Variants in GPR89A observed in about 807,000 individuals in gnomAD.
GPR89A encodes the protein G protein-coupled receptor 89A.
In GPR89A, 16 loss-of-function variants were observed where a neutral mutation model predicts 52.0. The ratio of observed to expected loss-of-function variants is 0.31; its 90% CI spans 0.21 to 0.47. The LOEUF (loss-of-function observed/expected upper bound fraction) is 0.47. GPR89A is among the 20% of genes least tolerant of loss of function. The pLI is 1.00. For synonymous variants in GPR89A, 55 were observed against 150.9 expected, an observed-to-expected ratio of 0.36 and a Z score of 4.66; for missense variants, 135 against 449.4, an observed-to-expected ratio of 0.30 and a Z score of 6.33.
rs1370326292 is a variant in GPR89A, at chr1:145,616,096, T to G, written c.43-138T>G. On this transcript the variant is annotated intron_variant, in intron 1 of 13. Transcript: ENST00000313835. The stretch of plus-strand genomic sequence containing the variant: ...ATGTCATGAGCTTTAATAATAGGTC[T>G]TATAAGAGTGGATCTTATCTTTAAT... The G allele has an allele frequency of 1.2e-5, 8 of 659,116 alleles. No individual in the cohort carries two copies. The East Asian group carries it at 2.1e-4, about 17-fold the overall frequency. The allele number at this position is 659,116 out of a possible 1,614,324, so 40.8% of individuals were successfully genotyped here.
intron 10 of GPR89A, among the ~76,000 whole-genome samples, chr1:145,656,194 C>T (rs1361290405): frequency 2.6e-5 from 4 of 152,136 alleles, no homozygotes; most frequent in Non-Finnish European, 5.9e-5. Flanking sequence ...GGAACTTGGT[C>T]GTCTTAGGCA....
chr1:145,623,752 A>G (rs1553688564), intron 5 of GPR89A, 38 bp downstream of exon 5: 2 of 1,598,532 alleles, frequency 1.3e-6, no homozygotes, highest in Non-Finnish European at 1.7e-6. Flanking sequence ...GTGGGGGGAG[A>G]CGATTTGTTT....
intron 7 of GPR89A, among the ~76,000 whole-genome samples, chr1:145,632,987 T>C (rs1245055590): frequency 6.6e-6 from 1 of 151,460 alleles, no homozygotes; most frequent in Non-Finnish European, 1.5e-5. Flanking sequence ...TTGCAATTCC[T>C]TAATGGCTAG....
intron 7 of GPR89A, among the ~76,000 whole-genome samples, chr1:145,632,252 C>T (rs587621858): frequency 6.6e-6 from 1 of 152,128 alleles, no homozygotes; most frequent in South Asian, 2.1e-4. Context: ...GTGGTGAAAA[C>T]ATTTGAAATT....
At chr1:145,663,746 C>T (rs1553696037) in intron 11 of GPR89A, among the ~76,000 whole-genome samples, 2 of 152,166 alleles carry the variant, frequency 1.3e-5, no homozygotes, top group African/African-American at 4.8e-5. Flanking sequence ...ATTTTCTCCC[C>T]ACCAAAGTAT....
chr1:145,616,863 T>C (rs1422949649), intron 2 of GPR89A, among the ~76,000 whole-genome samples: 1 of 152,064 alleles, frequency 6.6e-6, no homozygotes, highest in East Asian at 1.9e-4. Context: ...TATTAGGGAT[T>C]TCAAAAGGGG....
intron 11 of GPR89A, among the ~76,000 whole-genome samples, 199 bp downstream of exon 11, chr1:145,663,623 TTCTC>T (rs1297320360): frequency 6.6e-6 from 1 of 152,110 alleles, no homozygotes; most frequent in Non-Finnish European, 1.5e-5. Flanking sequence ...AAGGCCAAGA[TTCTC>T]TCTCTTAACA....
intron 5 of GPR89A, among the ~76,000 whole-genome samples, chr1:145,627,140 C>T (rs1268316915): frequency 6.7e-6 from 1 of 150,292 alleles, no homozygotes; most frequent in Non-Finnish European, 1.5e-5. Context: ...CTGCTAGTCT[C>T]CTTATTCATC....
intron 12 of GPR89A, among the ~76,000 whole-genome samples, chr1:145,666,782 C>G (rs1271681593): frequency 2.0e-5 from 3 of 149,308 alleles, no homozygotes; most frequent in Non-Finnish European, 3.0e-5. Context: ...CAGTTCCCAC[C>G]TATGAGTGAG....
intron 10 of GPR89A, among the ~76,000 whole-genome samples, chr1:145,647,554 A>G (rs1364243244): frequency 6.6e-6 from 1 of 151,824 alleles, no homozygotes; most frequent in Non-Finnish European, 1.5e-5. Flanking sequence ...CTATAATCCC[A>G]GCACTTTCGG....
chr1:145,661,989 A>T (rs587769279), intron 10 of GPR89A, among the ~76,000 whole-genome samples: 2 of 152,158 alleles, frequency 1.3e-5, no homozygotes, highest in African/African-American at 4.8e-5. Context: ...TGGTCTAAGA[A>T]CATATTTTGT....
intron 1 of GPR89A, among the ~76,000 whole-genome samples, chr1:145,609,288 C>G (rs1360408150): frequency 1.3e-5 from 2 of 152,118 alleles, no homozygotes; most frequent in Admixed American, 6.5e-5. Flanking sequence ...CTCCGTAGAG[C>G]GGAGCATTGT....
chr1:145,665,431 T>C, intron 11 of GPR89A, 131 bp from the exon 12 acceptor site: 2 of 1,198,398 alleles, frequency 1.7e-6, no homozygotes, highest in Non-Finnish European at 2.5e-6. Context: ...CCTCTCTCCC[T>C]TAAGAAAAAA....
In GPR89A at chr1:145,666,902, G is replaced by C. The variant is rs587729755; in HGVS notation, c.1095+1251G>C. ...ATGAACTCATCCTTTTTTGTGGCTG[G>C]ATAGTATTCCATGGTGTATATGTGC... is the stretch of plus-strand genomic sequence containing the variant. On this transcript the variant is annotated intron_variant, in intron 12 of 13. Coordinates refer to ENST00000313835, the MANE Select transcript of GPR89A (RefSeq NM_001097612.2). 8.7e-3 allele frequency among the ~76,000 whole-genome samples: 1,316 copies of C among 152,012 alleles called. 21 individuals carry two copies. Among genetic ancestry groups the C allele is most frequent in the South Asian group, 0.035 (166 of 4,798 alleles).
chr1:145,647,382 A>C, intron 10 of GPR89A, 115 bp downstream of exon 10: 2 of 1,460,820 alleles, frequency 1.4e-6, no homozygotes, highest in Non-Finnish European at 1.9e-6. Context: ...GATTGCATCA[A>C]CAGAGAGCAT....
chr1:145,646,456 A>T, intron 9 of GPR89A, 184 bp downstream of exon 9: 1 of 536,036 alleles, frequency 1.9e-6, no homozygotes, highest in South Asian at 2.5e-5. Flanking sequence ...CACTAGCAAA[A>T]TCCTTAATGG....
At chr1:145,608,942 T>C (rs587664489) in intron 1 of GPR89A, among the ~76,000 whole-genome samples, 60 of 151,836 alleles carry the variant, frequency 4.0e-4, no homozygotes, top group African/African-American at 1.4e-3. Flanking sequence ...TATTGTTAAT[T>C]ATTGTTTCTT....
chr1:145,608,969 G>A (rs587709639), intron 1 of GPR89A, among the ~76,000 whole-genome samples: 2,179 of 151,734 alleles, frequency 0.014, 47 homozygotes, highest in African/African-American at 0.05. Flanking sequence ...ATTCATCATA[G>A]CACTGGCATC....
chr1:145,613,926 A>G (rs1648483141), intron 1 of GPR89A, among the ~76,000 whole-genome samples: 1 of 152,072 alleles, frequency 6.6e-6, no homozygotes, highest in Non-Finnish European at 1.5e-5. Context: ...AGCTGGAACT[A>G]CAGGCACGCA....
Sources: gnomAD v4.1 joint callset for allele counts (sites outside exome capture counted in the v4.1 genomes callset) on GRCh38, gnomAD v4.1.1 for gene constraint, MANE v1.5 for transcripts, NCBI Gene and HGNC (gene_info 2026-07-23, HGNC 2026-07-21) for gene names.